Variants in DSTN observed in about 807,000 individuals in gnomAD.
The protein encoded by DSTN is destrin.
In DSTN, 10 loss-of-function variants were observed where a neutral mutation model predicts 16.8. The observed-to-expected ratio is 0.60, with a 90% confidence interval of 0.37 to 1.01. The LOEUF is 1.01. Ranked by LOEUF, DSTN falls within the 50% of genes least tolerant of loss-of-function variation. The pLI is 0.01. For missense variants in DSTN, 141 were observed against 196.7 expected (o/e 0.72, Z 1.69); for synonymous variants, 57 against 58.9 (o/e 0.97, Z 0.14).
chr20:17,584,601 G>A (rs975203469), intron 1 of DSTN, among the ~76,000 whole-genome samples: 1 of 149,938 alleles, frequency 6.7e-6, no homozygotes, highest in Non-Finnish European at 1.5e-5. Flanking sequence ...GCAGTGAGCC[G>A]AGGTCACGCC....
intron 1 of DSTN, among the ~76,000 whole-genome samples, chr20:17,596,355 G>A (rs1460886481): frequency 4.6e-5 from 7 of 152,108 alleles, no homozygotes; most frequent in Non-Finnish European, 2.9e-5. Flanking sequence ...AACGAGATCC[G>A]TGCTCATATT....
At position 17,570,157 on chromosome 20, in the gene DSTN, C is replaced by G. The variant is rs1005740334; in HGVS notation, c.-52C>G. On this transcript the variant is annotated 5_prime_UTR_variant, in exon 1 of 4. Coordinates refer to ENST00000246069, the MANE Select transcript of DSTN (RefSeq NM_006870.4). ...AGCCGTGAGGAGGACGGTCTGCATA[C>G]TCGCTGCCCGCCGGCTCCCTCCCCC... 1.3e-6 allele frequency: 2 copies of G among 1,517,248 alleles called. No individual in the cohort carries two copies. The highest frequency in any genetic ancestry group is 1.4e-5 in the African/African-American group (1 of 69,442). The allele number at this position is 1,517,248 out of a possible 1,614,324, so 94.0% of individuals were successfully genotyped here.
chr20:17,571,829 CTGTTA>C (rs1277664977), intron 1 of DSTN, among the ~76,000 whole-genome samples: 3 of 152,114 alleles, frequency 2.0e-5, no homozygotes, highest in African/African-American at 7.2e-5. Context: ...AAGGAAGGGT[CTGTTA>C]TATTTCCTGG....
rs1414226658 is a variant in DSTN at position 17,608,926 on chromosome 20, A to G, written c.*1780A>G. Reference sequence around the variant, plus strand: ...TTAGATACACAAATACCATTGTGTTACAGTTGCCGACAGTATTCAGTATAG... The same window carrying G: ...TTAGATACACAAATACCATTGTGTTGCAGTTGCCGACAGTATTCAGTATAG... On this transcript the variant is annotated 3_prime_UTR_variant, in exon 4 of 4. Coordinates refer to ENST00000246069, the MANE Select transcript of DSTN (RefSeq NM_006870.4). 1 of 152,156 alleles carries G rather than the reference A, an allele frequency of 6.6e-6. No individual in the cohort carries two copies. The highest frequency in any genetic ancestry group is 1.5e-5 in the Non-Finnish European group (1 of 68,038). The allele number at this position is 152,156 out of a possible 1,614,324, so 9.4% of individuals were successfully genotyped here. A position where few individuals can be genotyped will look rare whatever the true frequency, so the allele number is the denominator to read the frequency against.
chr20:17,600,512 G>A (rs142944748), intron 1 of DSTN, among the ~76,000 whole-genome samples: 1 of 152,240 alleles, frequency 6.6e-6, no homozygotes, highest in East Asian at 1.9e-4. Flanking sequence ...ATAGTTGAAT[G>A]TTTCCTTACC....
chr20:17,598,777 T>A (rs986599489), intron 1 of DSTN, among the ~76,000 whole-genome samples: 3 of 152,152 alleles, frequency 2.0e-5, no homozygotes, highest in Non-Finnish European at 4.4e-5. Flanking sequence ...ATTAAAAAAA[T>A]TTTAGAGGCA....
At chr20:17,590,900 A>T (rs2035461800) in intron 1 of DSTN, among the ~76,000 whole-genome samples, 1 of 152,228 alleles carries the variant, frequency 6.6e-6, no homozygotes, top group Admixed American at 6.5e-5. Context: ...TGAGGCCAGG[A>T]GTTCGAGACC....
chr20:17,575,081 A>T lies in DSTN; in HGVS notation c.3+4870A>T, dbSNP rs866969176. ...GCTACATTGCCCAGACTGGTCTCAA[A>T]CAATCTTCCCGCTTTGGCCTCCCAA... On this transcript the variant is annotated intron_variant, in intron 1 of 3. Coordinates refer to ENST00000246069, the MANE Select transcript of DSTN (RefSeq NM_006870.4). Among the ~76,000 whole-genome samples the T allele has an allele frequency of 6.6e-5, 10 of 151,842 alleles. No individual in the cohort carries two copies. In the Middle Eastern group the frequency reaches 0.021, roughly 312 times the overall value.
rs192550185 is a variant in DSTN, at chr20:17,579,468, A to G, written c.3+9257A>G. Reference sequence around the variant, plus strand: ...TGTGGCAGCGCATGCCTGTGGTCCCAGCTACTTGGGAGGCTGAGGTGAGAG... The same window carrying G: ...TGTGGCAGCGCATGCCTGTGGTCCCGGCTACTTGGGAGGCTGAGGTGAGAG... On this transcript the variant is annotated intron_variant, in intron 1 of 3. Transcript: ENST00000246069. 8.5e-5 allele frequency among the ~76,000 whole-genome samples: 13 copies of G among 152,068 alleles called. No homozygotes were observed. The East Asian group carries it at 2.1e-3, about 25-fold the overall frequency.
chr20:17,578,419 AT>A (rs2035303345), intron 1 of DSTN, among the ~76,000 whole-genome samples: 1 of 152,228 alleles, frequency 6.6e-6, no homozygotes, highest in East Asian at 1.9e-4. Flanking sequence ...GGTTTTAAGT[AT>A]TGAATTAATT....
chr20:17,592,897 C>T (rs1030250805), intron 1 of DSTN, among the ~76,000 whole-genome samples: 1 of 152,176 alleles, frequency 6.6e-6, no homozygotes, highest in African/African-American at 2.4e-5. Flanking sequence ...GCACCTCTTG[C>T]CTTGGTTGCT....
intron 1 of DSTN, among the ~76,000 whole-genome samples, chr20:17,578,033 T>G (rs1220632982): frequency 6.6e-6 from 1 of 152,252 alleles, no homozygotes; most frequent in Non-Finnish European, 1.5e-5. Flanking sequence ...GTGGCCACTT[T>G]ATTGGACCAA....
chr20:17,576,346 C>A, intron 1 of DSTN: 1 of 155,544 alleles, frequency 6.4e-6, no homozygotes. Flanking sequence ...CGGTTCTCCT[C>A]TATCAGGAAT....
chr20:17,582,387 T>G (rs77220271), intron 1 of DSTN, among the ~76,000 whole-genome samples: 4,427 of 152,128 alleles, frequency 0.029, 76 homozygotes, highest in South Asian at 0.036. Context: ...CCCCGAAGTA[T>G]ACATTCTAAT....
At chr20:17,571,520 C>G (rs1425793977) in intron 1 of DSTN, among the ~76,000 whole-genome samples, 1 of 152,294 alleles carries the variant, frequency 6.6e-6, no homozygotes. Context: ...AAAGTATCAG[C>G]ATCTTGAGTC....
At chr20:17,596,647 A>G (rs1483704758) in intron 1 of DSTN, 2 of 985,276 alleles carry the variant, frequency 2.0e-6, no homozygotes, top group African/African-American at 1.7e-5. Flanking sequence ...TTCTGCTTCC[A>G]GTTTCTGTGC....
At chr20:17,605,642 A>G (rs1570154) in intron 3 of DSTN, among the ~76,000 whole-genome samples, 15 of 152,180 alleles carry the variant, frequency 9.9e-5, no homozygotes, top group Non-Finnish European at 2.1e-4. Flanking sequence ...ATGTTTGGCA[A>G]CCCCCAGAAG....
At chr20:17,577,914 A>G (rs1430776240) in intron 1 of DSTN, among the ~76,000 whole-genome samples, 1 of 152,224 alleles carries the variant, frequency 6.6e-6, no homozygotes, top group East Asian at 1.9e-4. Context: ...TTTTCCAGTA[A>G]TGGATAAGAA....
intron 1 of DSTN, among the ~76,000 whole-genome samples, chr20:17,582,245 A>G (rs1287310550): frequency 6.6e-6 from 1 of 151,768 alleles, no homozygotes; most frequent in African/African-American, 2.4e-5. Context: ...CGCCTCGCTA[A>G]TTTTTTATAT....
Sources: allele counts gnomAD v4.1 joint callset (sites outside exome capture counted in the v4.1 genomes callset), GRCh38; gene constraint gnomAD v4.1.1; transcripts MANE v1.5; gene names NCBI Gene and HGNC (gene_info 2026-07-23, HGNC 2026-07-21).